ADAMTS18: variants seen among roughly 807,000 people sequenced by gnomAD.
The protein encoded by ADAMTS18 is ADAM metallopeptidase with thrombospondin type 1 motif 18, also known as A disintegrin and metalloproteinase with thrombospondin motifs 18.
A neutral mutation model predicts 165.9 loss-of-function variants in ADAMTS18; 157 were observed. The observed-to-expected ratio is 0.95, with a 90% CI of 0.83 to 1.08. The LOEUF (loss-of-function observed/expected upper bound fraction) is 1.08. Among genes scored for constraint, ADAMTS18 ranks in the 50% least tolerant of loss-of-function variants. The probability of loss-of-function intolerance (pLI) is 0.00; values close to 1 mark genes in which losing one functional copy is unlikely to be tolerated. For missense variants in ADAMTS18, 2,040 were observed against 1,534.0 expected, an observed-to-expected ratio of 1.33 and a Z score of -5.51; for synonymous variants, 782 against 578.2, an observed-to-expected ratio of 1.35 and a Z score of -5.06.
intron 3 of ADAMTS18, among the ~76,000 whole-genome samples, chr16:77,379,816 A>C (rs761115594): frequency 1.3e-5 from 2 of 152,092 alleles, no homozygotes; most frequent in African/African-American, 4.8e-5. Context: ...GAGTCAGGTA[A>C]AGGCCCTCCC....
intron 16 of ADAMTS18, among the ~76,000 whole-genome samples, chr16:77,306,735 G>A (rs932895378): frequency 3.9e-5 from 6 of 152,158 alleles, no homozygotes; most frequent in Non-Finnish European, 7.3e-5. Flanking sequence ...GCCAGGCAAA[G>A]CATTGTACAT....
intron 3 of ADAMTS18, among the ~76,000 whole-genome samples, chr16:77,398,521 T>C (rs2057287764): frequency 6.6e-6 from 1 of 152,112 alleles, no homozygotes; most frequent in Admixed American, 6.5e-5. Context: ...CCACCACCTT[T>C]GCAACGAGGA....
Position 77,434,645 on chromosome 16 carries a change from G to A in ADAMTS18, c.51C>T (p.Gly17=). 1 of 1,481,508 alleles carries A rather than the reference G, an allele frequency of 6.7e-7. No individual in the cohort carries two copies. Among genetic ancestry groups the A allele is most frequent in the Non-Finnish European group, 8.9e-7 (1 of 1,123,086 alleles). 91.8% of individuals were successfully genotyped at this position (1,481,508 alleles called of 1,614,324 possible). ...LACAFPAAGS[G]PPRGLAGLGR... ...CCAGTCCCGCCAGGCCCCTCGGCGGGCCCGAACCCGCAGCCGGGAAGGCAC... is the reference window on the plus strand; with the variant it reads ...CCAGTCCCGCCAGGCCCCTCGGCGGACCCGAACCCGCAGCCGGGAAGGCAC... Residue 17 remains glycine (G), a synonymous_variant, in exon 1 of 23, where the codon GGC becomes GGT. Transcript: ENST00000282849.
At chr16:77,420,792 G>A (rs990636534) in intron 3 of ADAMTS18, among the ~76,000 whole-genome samples, 1 of 152,090 alleles carries the variant, frequency 6.6e-6, no homozygotes, top group Non-Finnish European at 1.5e-5. Flanking sequence ...AATAATTAAG[G>A]CAGGGGGAAG....
intron 3 of ADAMTS18, among the ~76,000 whole-genome samples, chr16:77,423,062 T>G (rs764453242): frequency 6.6e-6 from 1 of 152,218 alleles, no homozygotes; most frequent in Non-Finnish European, 1.5e-5. Context: ...CAGGACCTAC[T>G]GAATGTTCAG....
At chr16:77,432,722 G>C (rs909075686) in intron 2 of ADAMTS18, among the ~76,000 whole-genome samples, 1 of 151,050 alleles carries the variant, frequency 6.6e-6, no homozygotes, top group Non-Finnish European at 1.5e-5. Context: ...AAAAGGAAGA[G>C]AAATTTCTCT....
chr16:77,339,212 A>C (rs1039103062), intron 11 of ADAMTS18, among the ~76,000 whole-genome samples: 6 of 151,418 alleles, frequency 4.0e-5, no homozygotes, highest in Non-Finnish European at 8.9e-5. Flanking sequence ...CCCCTGGTGA[A>C]GGAAGAATCT....
chr16:77,401,347 G>A (rs142016673), intron 3 of ADAMTS18, among the ~76,000 whole-genome samples: 3 of 152,272 alleles, frequency 2.0e-5, no homozygotes, highest in South Asian at 2.1e-4. Flanking sequence ...TAGCAAATAT[G>A]TTTACTGTGT....
chr16:77,285,515 T>TTAGAG (rs773992130), intron 22 of ADAMTS18, among the ~76,000 whole-genome samples: 26 of 151,184 alleles, frequency 1.7e-4, no homozygotes, highest in Admixed American at 2.6e-4. Context: ...TTAAAAATAT[T>TTAGAG]TAGAGTATAC....
At position 77,295,143 on chromosome 16, in the gene ADAMTS18, A is replaced by C; in HGVS notation, c.2802-16T>G. On this transcript the variant is annotated splice_polypyrimidine_tract_variant and intron_variant, in intron 18 of 22. Transcript: ENST00000282849. Reference sequence around the variant, plus strand: ...TGGCATCCAGCTTTCAGTGCAAAACAAACATTACCAATGAAGCCAAACTTT... The same window carrying C: ...TGGCATCCAGCTTTCAGTGCAAAACCAACATTACCAATGAAGCCAAACTTT... The C allele has an allele frequency of 6.2e-7, 1 of 1,614,026 alleles. No homozygotes were observed. The highest frequency in any genetic ancestry group is 8.5e-7 in the Non-Finnish European group (1 of 1,179,958).
intron 16 of ADAMTS18, among the ~76,000 whole-genome samples, chr16:77,318,951 G>A (rs1417837033): frequency 6.6e-6 from 1 of 152,132 alleles, no homozygotes; most frequent in Non-Finnish European, 1.5e-5. Context: ...TTTTACAAAT[G>A]GAGAAAAAGC....
At position 77,363,793 on chromosome 16, in the gene ADAMTS18, G is replaced by A. The variant is rs761650644; in HGVS notation, c.1056+9C>T. The stretch of plus-strand genomic sequence containing the variant: ...CTGAATGAAGACATAAATGAAGTTT[G>A]CCACTTACAGGTTCTTGTTCCAGAA... On this transcript the variant is annotated intron_variant, in intron 6 of 22. Transcript: ENST00000282849. 1 of 1,612,654 alleles carries A rather than the reference G, an allele frequency of 6.2e-7. No homozygotes were observed. Among genetic ancestry groups the A allele is most frequent in the Non-Finnish European group, 8.5e-7 (1 of 1,178,838 alleles).
rs761515971 is a variant in ADAMTS18 at position 77,367,465 on chromosome 16, GCTGCTTTTGCAAC to G, written c.741_753del (p.Arg247SerfsTer21). ...CATTTCTTGCGTCGTCCACAAAAAT[GCTGCTTTTGCAAC>G]CTTCGATGGTGATACTCTGTCTCTC... On this transcript the variant is annotated frameshift_variant, in exon 4 of 23. Coordinates refer to ENST00000282849, the MANE Select transcript of ADAMTS18 (RefSeq NM_199355.4). LOFTEE classifies it high-confidence loss of function. 1 of 1,614,222 alleles carries G rather than the reference GCTGCTTTTGCAAC, an allele frequency of 6.2e-7. No individual in the cohort carries two copies. The highest frequency in any genetic ancestry group is 1.1e-5 in the South Asian group (1 of 91,084).
chr16:77,421,370 T>A (rs140515456), intron 3 of ADAMTS18, among the ~76,000 whole-genome samples: 308 of 152,366 alleles, frequency 2.0e-3, no homozygotes, highest in Non-Finnish European at 3.2e-3. Flanking sequence ...GAAGAGGAAC[T>A]CCTGGGTTTG....
chr16:77,307,413 G>C (rs763586142), intron 16 of ADAMTS18, among the ~76,000 whole-genome samples: 2 of 152,138 alleles, frequency 1.3e-5, no homozygotes, highest in Non-Finnish European at 2.9e-5. Flanking sequence ...GTAATACAAA[G>C]ACCCTGATCA....
chr16:77,329,632 G>A (rs2144658421), intron 12 of ADAMTS18, among the ~76,000 whole-genome samples: 1 of 152,174 alleles, frequency 6.6e-6, no homozygotes, highest in East Asian at 1.9e-4. Flanking sequence ...AGTATTATGT[G>A]ATCTGATTTT....
chr16:77,346,464 A>G (rs935679459), intron 10 of ADAMTS18, among the ~76,000 whole-genome samples: 2 of 152,236 alleles, frequency 1.3e-5, no homozygotes, highest in Admixed American at 1.3e-4. Flanking sequence ...AGAGCTTTCA[A>G]GAATTAAAAA....
chr16:77,403,816 A>G (rs1408246473), intron 3 of ADAMTS18, among the ~76,000 whole-genome samples: 1 of 152,186 alleles, frequency 6.6e-6, no homozygotes, highest in Non-Finnish European at 1.5e-5. Context: ...AAGGAATCAC[A>G]CAATTTCAAA....
chr16:77,312,499 A>G (rs1432500713), intron 16 of ADAMTS18, among the ~76,000 whole-genome samples: 4 of 152,140 alleles, frequency 2.6e-5, no homozygotes, highest in Non-Finnish European at 4.4e-5. Flanking sequence ...TGGCCTCCCA[A>G]AGTGCTGGGA....
Sources: allele counts gnomAD v4.1 joint callset (sites outside exome capture counted in the v4.1 genomes callset), GRCh38; gene constraint gnomAD v4.1.1; transcripts MANE v1.5; gene names NCBI Gene and HGNC (gene_info 2026-07-23, HGNC 2026-07-21).